Variants in PDE10A observed in about 807,000 individuals in gnomAD.
The protein encoded by PDE10A is phosphodiesterase 10A.
Under a neutral mutation model 97.7 loss-of-function variants are expected in PDE10A, and 39 were observed. The observed-to-expected ratio is 0.40, with a 90% CI of 0.31 to 0.52. PDE10A has a LOEUF of 0.52. PDE10A is among the 20% of genes least tolerant of loss of function. The pLI is 0.56. For missense variants in PDE10A, 731 were observed against 1,047.8 expected (o/e 0.70, Z 4.17); for synonymous variants, 371 against 376.8 (o/e 0.98, Z 0.18).
intron 2 of PDE10A, among the ~76,000 whole-genome samples, chr6:165,503,574 G>T (rs1781023429): frequency 6.6e-6 from 1 of 152,088 alleles, no homozygotes; most frequent in Non-Finnish European, 1.5e-5. Flanking sequence ...AGAACCCAGA[G>T]GATCAACATT....
intron 5 of PDE10A, among the ~76,000 whole-genome samples, chr6:165,445,168 G>A (rs1377580122): frequency 1.3e-5 from 2 of 152,050 alleles, no homozygotes; most frequent in Non-Finnish European, 2.9e-5. Context: ...AATTTAATAT[G>A]GTTATATTTT....
At chr6:165,396,661 T>C (rs1331370956) in intron 13 of PDE10A, among the ~76,000 whole-genome samples, 2 of 152,186 alleles carry the variant, frequency 1.3e-5, no homozygotes, top group Non-Finnish European at 2.9e-5. Flanking sequence ...TTTTAAAAAA[T>C]GGTATCTCTG....
intron 1 of PDE10A, among the ~76,000 whole-genome samples, chr6:165,826,564 G>A (rs780859032): frequency 2.4e-4 from 36 of 147,996 alleles, no homozygotes; most frequent in Admixed American, 1.5e-3. Flanking sequence ...TCTCTCCCAC[G>A]CTCCCGCCAC....
intron 1 of PDE10A, among the ~76,000 whole-genome samples, chr6:165,750,849 T>C (rs763029705): frequency 6.9e-4 from 105 of 151,540 alleles, no homozygotes; most frequent in Non-Finnish European, 1.3e-3. Context: ...ACAGAGGCAC[T>C]GGCATGCAGG....
In PDE10A at chr6:165,850,076, G is replaced by T. The variant is rs62425083; in HGVS notation, c.-615+137453C>A. Among the ~76,000 whole-genome samples the T allele has an allele frequency of 2.4e-3, 359 of 152,208 alleles. 2 individuals are homozygous for T. The highest frequency in any genetic ancestry group is 4.3e-3 in the Admixed American group (65 of 15,282). On this transcript the variant is annotated intron_variant, in intron 1 of 19. Coordinates refer to the PDE10A transcript ENST00000366882. The stretch of plus-strand genomic sequence containing the variant: ...CACGGAATCTTGAAGAGAGATACAC[G>T]AGCATCAAAATTTAACAAAATCGAT...
intron 1 of PDE10A, among the ~76,000 whole-genome samples, chr6:165,724,751 T>C (rs1385050845): frequency 1.3e-5 from 2 of 152,154 alleles, no homozygotes; most frequent in African/African-American, 4.8e-5. Flanking sequence ...TAGAAGGAAA[T>C]ACAGCCTGAA....
chr6:165,830,667 G>C (rs1001627056), intron 1 of PDE10A, among the ~76,000 whole-genome samples: 1 of 152,134 alleles, frequency 6.6e-6, no homozygotes, highest in Admixed American at 6.5e-5. Flanking sequence ...TTTATGTCTT[G>C]TCCTTCCATG....
At chr6:165,863,523 C>G (rs1261466772) in intron 1 of PDE10A, among the ~76,000 whole-genome samples, 1 of 152,178 alleles carries the variant, frequency 6.6e-6, no homozygotes, top group Non-Finnish European at 1.5e-5. Flanking sequence ...ATATACCAAC[C>G]ACCTAAGTTG....
chr6:165,752,469 C>T (rs1793028333), intron 1 of PDE10A, among the ~76,000 whole-genome samples: 1 of 152,132 alleles, frequency 6.6e-6, no homozygotes, highest in East Asian at 1.9e-4. Context: ...TTGGGCCCCA[C>T]TTTAAAGCAC....
At chr6:165,701,231 A>G (rs575038647) in intron 1 of PDE10A, among the ~76,000 whole-genome samples, 1 of 152,330 alleles carries the variant, frequency 6.6e-6, no homozygotes, top group East Asian at 1.9e-4. Flanking sequence ...CCGAAGAGTG[A>G]CCTGTCCAGG....
intron 1 of PDE10A, among the ~76,000 whole-genome samples, chr6:165,605,612 T>C (rs1217231066): frequency 1.3e-5 from 2 of 151,986 alleles, no homozygotes; most frequent in East Asian, 1.9e-4. Flanking sequence ...TTCTGGCTCC[T>C]TCCTTTGTGC....
chr6:165,496,734 GATA>G (rs1217646826), intron 2 of PDE10A, among the ~76,000 whole-genome samples: 1 of 152,192 alleles, frequency 6.6e-6, no homozygotes, highest in East Asian at 1.9e-4. Flanking sequence ...TTAAGACACA[GATA>G]ATAATATTTT....
At chr6:165,941,022 G>A (rs1370235590) in intron 1 of PDE10A, among the ~76,000 whole-genome samples, 1 of 149,464 alleles carries the variant, frequency 6.7e-6, no homozygotes, top group Non-Finnish European at 1.5e-5. Flanking sequence ...GGTGTAGAGC[G>A]CAGTAGGGGA....
At chr6:165,701,625 G>C (rs572776714) in intron 1 of PDE10A, among the ~76,000 whole-genome samples, 23 of 151,568 alleles carry the variant, frequency 1.5e-4, no homozygotes, top group Non-Finnish European at 3.1e-4. Context: ...TCATAAAGTG[G>C]GGGATGGTCT....
intron 1 of PDE10A, among the ~76,000 whole-genome samples, chr6:165,806,311 G>GTGGCAC (rs1779138667): frequency 6.6e-6 from 1 of 152,168 alleles, no homozygotes; most frequent in African/African-American, 2.4e-5. Flanking sequence ...GTCTATTCAT[G>GTGGCAC]TGGCACGTTT....
intron 1 of PDE10A, among the ~76,000 whole-genome samples, chr6:165,629,659 G>A (rs1024771944): frequency 1.3e-5 from 2 of 150,926 alleles, no homozygotes; most frequent in African/African-American, 4.9e-5. Context: ...CCAGCCTCCC[G>A]AGTAGTTAGG....
intron 17 of PDE10A, among the ~76,000 whole-genome samples, chr6:165,384,123 T>G (rs1478560704): frequency 6.6e-6 from 1 of 152,040 alleles, no homozygotes; most frequent in Admixed American, 6.5e-5. Context: ...AAAAACATAT[T>G]CAGACATATA....
At chr6:165,607,561 A>G (rs1357983303) in intron 1 of PDE10A, among the ~76,000 whole-genome samples, 4 of 152,132 alleles carry the variant, frequency 2.6e-5, no homozygotes, top group Non-Finnish European at 5.9e-5. Context: ...TGATACTCAC[A>G]CCATCAGGAC....
chr6:165,480,867 G>A (rs946403624), intron 3 of PDE10A, among the ~76,000 whole-genome samples: 8 of 152,054 alleles, frequency 5.3e-5, no homozygotes, highest in African/African-American at 1.9e-4. Context: ...TACGGGGTAC[G>A]TTTTTTCAAA....
Sources: gnomAD v4.1 joint callset for allele counts (sites outside exome capture counted in the v4.1 genomes callset) on GRCh38, gnomAD v4.1.1 for gene constraint, MANE v1.5 for transcripts, NCBI Gene and HGNC (gene_info 2026-07-23, HGNC 2026-07-21) for gene names.